The following EIF2AK2 variants were observed in gnomAD, a reference collection of about 807,000 sequenced individuals.
EIF2AK2 encodes the protein interferon-induced, double-stranded RNA-activated protein kinase.
In EIF2AK2, 40 loss-of-function variants were observed where a neutral mutation model predicts 70.5. The observed-to-expected ratio is 0.57, with a 90% CI of 0.44 to 0.74. EIF2AK2 has a LOEUF of 0.74. Among genes scored for constraint, EIF2AK2 ranks in the 30% least tolerant of loss-of-function variants. The pLI, the probability that EIF2AK2 is intolerant of heterozygous loss-of-function variation, is 0.00. For synonymous variants in EIF2AK2, 198 were observed against 220.9 expected (o/e 0.90, Z 0.92); for missense variants, 555 against 644.3 (o/e 0.86, Z 1.50).
In EIF2AK2 at chr2:37,118,972, G is replaced by A. The variant is rs532582336; in HGVS notation, c.1248+987C>T. Reference sequence around the variant, plus strand: ...GGCAGTTCCAGAGTGATCAGGAAAGGCTCAGTAAAGGAATTACAACCAAAG... The same window carrying A: ...GGCAGTTCCAGAGTGATCAGGAAAGACTCAGTAAAGGAATTACAACCAAAG... On this transcript the variant is annotated intron_variant, in intron 13 of 16. Coordinates refer to ENST00000233057, the MANE Select transcript of EIF2AK2 (RefSeq NM_001135651.3). Among the ~76,000 whole-genome samples the A allele has an allele frequency of 3.0e-4, 46 of 152,246 alleles. 1 individual carries two copies. The highest frequency in any genetic ancestry group is 1.1e-3 in the African/African-American group (45 of 41,546).
chr2:37,114,753 A>C lies in EIF2AK2; in HGVS notation c.1355T>G (p.Leu452Trp). The part of the protein sequence containing the change: ...DGKRTRSKGT[L>W]RYMSPEQISS... ...TACCTGTTCTGGGCTCATGTATCGC[A>C]AAGTTCCCTTACTCCTTGTTCGCTT... The change falls in exon 14 of 17, where the codon TTG (leucine) becomes TGG (tryptophan). Residue 452 changes from leucine (L) to tryptophan (W), a missense_variant. Coordinates refer to ENST00000233057, the MANE Select transcript of EIF2AK2 (RefSeq NM_001135651.3). 1.3e-6 allele frequency: 2 copies of C among 1,595,950 alleles called. No homozygotes were observed. Among genetic ancestry groups the C allele is most frequent in the Admixed American group, 1.8e-5 (1 of 56,916 alleles).
In EIF2AK2 at chr2:37,101,800, T is replaced by C. The variant is rs556516246; in HGVS notation, c.*5473A>G. 2.0e-5 allele frequency: 3 copies of C among 152,218 alleles called. No individual in the cohort carries two copies. The highest frequency in any genetic ancestry group is 7.2e-5 in the African/African-American group (3 of 41,462). The allele number at this position is 152,218 out of a possible 1,614,324, so 9.4% of individuals were successfully genotyped here. ...AACCAAGAAAACTGTATTTTTGAGA[T>C]AGAAACAATACAGACTATTATATGA... On this transcript the variant is annotated 3_prime_UTR_variant, in exon 17 of 17. Transcript: ENST00000233057.
At chr2:37,147,962 C>T (rs1173612306) in intron 2 of EIF2AK2, 140 bp from the exon 3 acceptor site, 1 of 506,436 alleles carries the variant, frequency 2.0e-6, no homozygotes, top group African/African-American at 1.9e-5. Flanking sequence ...AATGCAGAGA[C>T]TTTCTTTCAA....
intron 14 of EIF2AK2, among the ~76,000 whole-genome samples, chr2:37,109,846 A>C (rs879508934): frequency 6.6e-6 from 1 of 152,234 alleles, no homozygotes; most frequent in Admixed American, 6.5e-5. Context: ...TTCCATTCAT[A>C]TGAAGGTCAA....
chr2:37,108,594 G>A (rs1477855102), intron 15 of EIF2AK2, among the ~76,000 whole-genome samples: 3 of 152,112 alleles, frequency 2.0e-5, no homozygotes. Flanking sequence ...TTTAGAGATG[G>A]AATGTCACTC....
intron 13 of EIF2AK2, among the ~76,000 whole-genome samples, chr2:37,115,641 G>A (rs1178944904): frequency 1.3e-5 from 2 of 152,098 alleles, no homozygotes; most frequent in African/African-American, 4.8e-5. Context: ...ATCTGATAGG[G>A]ACTGAAGCAG....
intron 13 of EIF2AK2, among the ~76,000 whole-genome samples, chr2:37,118,544 G>T (rs2148673783): frequency 6.6e-6 from 1 of 152,198 alleles, no homozygotes; most frequent in South Asian, 2.1e-4. Flanking sequence ...GCATTTATTT[G>T]CAAATTATTT....
At chr2:37,130,070 T>C (rs886798143) in intron 10 of EIF2AK2, among the ~76,000 whole-genome samples, 1 of 152,178 alleles carries the variant, frequency 6.6e-6, no homozygotes, top group Non-Finnish European at 1.5e-5. Context: ...CTCAAGTCCA[T>C]CATCTCCCAA....
At chr2:37,141,419 C>CT in intron 5 of EIF2AK2, 134 bp downstream of exon 5, 1 of 1,071,234 alleles carries the variant, frequency 9.3e-7, no homozygotes, top group Non-Finnish European at 1.3e-6. Flanking sequence ...AATCCAATTA[C>CT]TTATCAATCA....
At chr2:37,114,596 G>T (rs1376415036) in intron 14 of EIF2AK2, 135 bp downstream of exon 14, 1 of 616,828 alleles carries the variant, frequency 1.6e-6, no homozygotes, top group Non-Finnish European at 2.4e-6. Flanking sequence ...AGAAGAATAG[G>T]GGTAGAAAAG....
chr2:37,150,928 T>C (rs1026384505), intron 1 of EIF2AK2, among the ~76,000 whole-genome samples: 5 of 152,114 alleles, frequency 3.3e-5, no homozygotes, highest in African/African-American at 9.7e-5. Flanking sequence ...TCTATAGCAA[T>C]GATTTAAATT....
intron 13 of EIF2AK2, among the ~76,000 whole-genome samples, chr2:37,117,731 C>G (rs558040092): frequency 7.2e-5 from 11 of 152,248 alleles, no homozygotes; most frequent in Admixed American, 4.6e-4. Flanking sequence ...AGAGAAGCAG[C>G]CTTGCACAAG....
chr2:37,148,477 G>A (rs1210656085), intron 2 of EIF2AK2: 10 of 511,958 alleles, frequency 2.0e-5, no homozygotes, highest in Non-Finnish European at 2.9e-5. Context: ...TGATCAGCCC[G>A]TGACCTAGAT....
chr2:37,150,309 T>C (rs1301443209), intron 1 of EIF2AK2, among the ~76,000 whole-genome samples: 1 of 152,138 alleles, frequency 6.6e-6, no homozygotes, highest in Non-Finnish European at 1.5e-5. Context: ...GTATCATAAG[T>C]CACTTGGCAG....
rs1056371637 is a variant in EIF2AK2 at position 37,102,090 on chromosome 2, A to G, written c.*5183T>C. The stretch of plus-strand genomic sequence containing the variant: ...CCATATTTCTACAAAAAATTTAAAA[A>G]TTAGTTGGGTGTGTTGGTGTATGCA... On this transcript the variant is annotated 3_prime_UTR_variant, in exon 17 of 17. Coordinates refer to ENST00000233057, the MANE Select transcript of EIF2AK2 (RefSeq NM_001135651.3). 6.6e-6 allele frequency: 1 copy of G among 152,176 alleles called. No individual in the cohort carries two copies. The highest frequency in any genetic ancestry group is 1.5e-5 in the Non-Finnish European group (1 of 68,074). 9.4% of individuals were successfully genotyped at this position (152,176 alleles called of 1,614,324 possible). A position where few individuals can be genotyped will look rare whatever the true frequency, so the allele number is the denominator to read the frequency against.
intron 12 of EIF2AK2, among the ~76,000 whole-genome samples, chr2:37,120,355 A>C (rs1282098121): frequency 6.6e-6 from 1 of 151,286 alleles, no homozygotes; most frequent in Non-Finnish European, 1.5e-5. Flanking sequence ...AATACAAAAA[A>C]TTAGCCAGGC....
Position 37,107,093 on chromosome 2 carries a change from A to C in EIF2AK2, c.*180T>G, listed in dbSNP as rs1381209959. ...GAGCCAGGAAAAAGTAAAATGTAAGAATGTTTTTGAAGCAAAAAGAAGAAA... is the reference window on the plus strand; with the variant it reads ...GAGCCAGGAAAAAGTAAAATGTAAGCATGTTTTTGAAGCAAAAAGAAGAAA... On this transcript the variant is annotated 3_prime_UTR_variant, in exon 17 of 17. Transcript: ENST00000233057. 1 of 772,668 alleles carries C rather than the reference A, an allele frequency of 1.3e-6. No individual in the cohort carries two copies. Among genetic ancestry groups the C allele is most frequent in the African/African-American group, 1.8e-5 (1 of 55,354 alleles). The allele number at this position is 772,668 out of a possible 1,614,324, so 47.9% of individuals were successfully genotyped here.
At chr2:37,128,941 C>A (rs1252266516) in intron 10 of EIF2AK2, among the ~76,000 whole-genome samples, 1 of 152,178 alleles carries the variant, frequency 6.6e-6, no homozygotes, top group Non-Finnish European at 1.5e-5. Context: ...ACCAGTAAAA[C>A]CCTGCCCTTT....
At chr2:37,137,174 T>A (rs1321200916) in intron 8 of EIF2AK2, among the ~76,000 whole-genome samples, 157 bp from the exon 9 acceptor site, 4 of 152,232 alleles carry the variant, frequency 2.6e-5, no homozygotes, top group Non-Finnish European at 5.9e-5. Context: ...ACACTTAGTA[T>A]TGTAAGACTT....
Sources: allele counts gnomAD v4.1 joint callset (sites outside exome capture counted in the v4.1 genomes callset), GRCh38; gene constraint gnomAD v4.1.1; transcripts MANE v1.5; gene names NCBI Gene and HGNC (gene_info 2026-07-23, HGNC 2026-07-21).